GLG1: variants seen among roughly 807,000 people sequenced by gnomAD.
The protein encoded by GLG1 is golgi glycoprotein 1.
A neutral mutation model predicts 160.5 loss-of-function variants in GLG1; 38 were observed. The ratio of observed to expected loss-of-function variants is 0.24; its 90% CI spans 0.18 to 0.31. The LOEUF is 0.31. GLG1 is among the 10% of genes least tolerant of loss of function. The pLI is 1.00. For synonymous variants in GLG1, 644 were observed against 543.4 expected, an observed-to-expected ratio of 1.19 and a Z score of -2.57; for missense variants, 1,373 against 1,505.2, an observed-to-expected ratio of 0.91 and a Z score of 1.45.
intron 2 of GLG1, among the ~76,000 whole-genome samples, chr16:74,519,596 C>T (rs1305257233): frequency 5.4e-5 from 8 of 149,510 alleles, no homozygotes; most frequent in Admixed American, 5.3e-4. Flanking sequence ...GTCTATAGCT[C>T]GTTTAATCTA....
In GLG1 at chr16:74,467,741, A is replaced by G. The variant is rs182992177; in HGVS notation, c.2529+15T>C. 2.6e-6 allele frequency: 4 copies of G among 1,545,080 alleles called. No individual in the cohort carries two copies. In the African/African-American group the frequency reaches 4.1e-5, roughly 16 times the overall value. Reference sequence around the variant, plus strand: ...ACATTACTTTTACAATTACAAAAGAAAAGCAAAAAGTTACCTGAGCGTTGC... The same window carrying G: ...ACATTACTTTTACAATTACAAAAGAGAAGCAAAAAGTTACCTGAGCGTTGC... On this transcript the variant is annotated intron_variant, in intron 18 of 25. Coordinates refer to ENST00000422840, the MANE Select transcript of GLG1 (RefSeq NM_001145667.2).
chr16:74,501,238 G>C (rs1322282152), intron 4 of GLG1, among the ~76,000 whole-genome samples: 1 of 152,208 alleles, frequency 6.6e-6, no homozygotes, highest in Non-Finnish European at 1.5e-5. Context: ...GTAGTACAGA[G>C]TGAATGATAT....
chr16:74,538,727 GATTTT>G (rs1172666355), intron 1 of GLG1, among the ~76,000 whole-genome samples: 1 of 64,316 alleles, frequency 1.6e-5, no homozygotes, highest in Non-Finnish European at 2.9e-5. Flanking sequence ...GAGATTTTGA[GATTTT>G]TTTTTTTTTT....
chr16:74,599,553 T>C (rs1958389096), intron 1 of GLG1, among the ~76,000 whole-genome samples: 1 of 152,114 alleles, frequency 6.6e-6, no homozygotes, highest in African/African-American at 2.4e-5. Context: ...AACCCGTCTC[T>C]ACTAAAAATA....
At chr16:74,456,856 G>T in intron 24 of GLG1, 101 bp from the exon 25 acceptor site, 5 of 761,078 alleles carry the variant, frequency 6.6e-6, no homozygotes, top group South Asian at 1.5e-5. Flanking sequence ...AGAGAATTCA[G>T]ATCTGCAGGC....
At chr16:74,481,846 G>A (rs2015610706) in intron 10 of GLG1, among the ~76,000 whole-genome samples, 1 of 152,114 alleles carries the variant, frequency 6.6e-6, no homozygotes, top group Admixed American at 6.5e-5. Flanking sequence ...GGGCAGTGGC[G>A]CGATATCGGC....
intron 8 of GLG1, among the ~76,000 whole-genome samples, chr16:74,490,620 A>C (rs1436016849): frequency 3.9e-5 from 6 of 152,190 alleles, no homozygotes; most frequent in Non-Finnish European, 7.3e-5. Context: ...ACTCAATCAA[A>C]TCTATTACAA....
intron 8 of GLG1, among the ~76,000 whole-genome samples, chr16:74,489,328 G>A (rs964808033): frequency 6.6e-6 from 1 of 151,908 alleles, no homozygotes; most frequent in Non-Finnish European, 1.5e-5. Context: ...AAAATTAGCT[G>A]GGTGTGGTGG....
Position 74,457,898 on chromosome 16 carries a change from C to G in GLG1, c.3241G>C (p.Ala1081Pro), listed in dbSNP as rs1413275463. ...CGACGCCCGCGGCCAGGGGTGATGG[C>G]TGCGCAGTGGTGTTTAATGTCCAGG... ...CALDIKHHCA[A>P]ITPGRGRQMS... Residue 1081 changes from alanine to proline, a missense_variant, in exon 24 of 26, where the codon GCC becomes CCC. Around this residue, in one of 4 missense-constraint regions of GLG1, gnomAD observed 491 missense variants for 632.1 expected, o/e 0.78. Transcript: ENST00000422840. 6.2e-7 allele frequency: 1 copy of G among 1,613,848 alleles called. No individual in the cohort carries two copies. The highest frequency in any genetic ancestry group is 1.3e-5 in the African/African-American group (1 of 74,916).
chr16:74,607,070 T>C lies in GLG1; in HGVS notation c.25A>G (p.Arg9Gly), dbSNP rs769807372. 173 of 1,569,180 alleles carry C rather than the reference T, an allele frequency of 1.1e-4. No individual in the cohort carries two copies. The highest frequency in any genetic ancestry group is 4.7e-5 in the East Asian group (2 of 42,920). Residue 9 changes from arginine (R) to glycine (G), a missense_variant, in exon 1 of 26, where the codon AGG becomes GGG. Arg to Gly is a moderately radical substitution (Grantham distance 125). Coordinates refer to ENST00000422840, the MANE Select transcript of GLG1 (RefSeq NM_001145667.2). ...AGCGCCGCCGACAAGCGGAACATCC[T>C]CCGTACACGTCCACACGCCGCCATC... is the stretch of plus-strand genomic sequence containing the variant. MAACGRVR[R>G]MFRLSAALHL... is the part of the protein sequence containing the mutation.
intron 1 of GLG1, among the ~76,000 whole-genome samples, chr16:74,588,042 C>T (rs1223446760): frequency 1.3e-5 from 2 of 151,128 alleles, no homozygotes; most frequent in African/African-American, 2.4e-5. Context: ...CATCAGTGAA[C>T]CTGAAGATCA....
chr16:74,568,560 G>A (rs2018726707), intron 1 of GLG1, among the ~76,000 whole-genome samples: 1 of 151,954 alleles, frequency 6.6e-6, no homozygotes, highest in Non-Finnish European at 1.5e-5. Flanking sequence ...TGTGATTACA[G>A]TTGCACACCA....
chr16:74,485,365 C>A (rs1489825359), intron 9 of GLG1, among the ~76,000 whole-genome samples: 1 of 152,104 alleles, frequency 6.6e-6, no homozygotes, highest in Non-Finnish European at 1.5e-5. Context: ...TTTTCTATTT[C>A]TATTTTCTGT....
intron 8 of GLG1, among the ~76,000 whole-genome samples, chr16:74,489,796 C>T (rs1395604644): frequency 6.6e-6 from 1 of 152,202 alleles, no homozygotes; most frequent in Non-Finnish European, 1.5e-5. Context: ...GACACACGTG[C>T]ACACATGCAC....
intron 3 of GLG1, among the ~76,000 whole-genome samples, chr16:74,504,742 G>C (rs1056979739): frequency 6.6e-6 from 1 of 152,200 alleles, no homozygotes; most frequent in African/African-American, 2.4e-5. Context: ...TTAGCAAGAA[G>C]TTTGGGAAGG....
chr16:74,487,448 AC>A (rs2015833090), intron 8 of GLG1, among the ~76,000 whole-genome samples: 1 of 152,060 alleles, frequency 6.6e-6, no homozygotes, highest in Non-Finnish European at 1.5e-5. Context: ...AAAACCACAA[AC>A]TTCTATTATC....
At chr16:74,493,234 A>T (rs2016067880) in intron 6 of GLG1, 94 bp from the exon 7 acceptor site, 1 of 739,448 alleles carries the variant, frequency 1.4e-6, no homozygotes, top group Non-Finnish European at 2.3e-6. Flanking sequence ...TCAGCCAAGT[A>T]CATGTCAACA....
At chr16:74,544,987 A>T (rs1189810801) in intron 1 of GLG1, among the ~76,000 whole-genome samples, 2 of 151,942 alleles carry the variant, frequency 1.3e-5, no homozygotes, top group African/African-American at 2.4e-5. Flanking sequence ...AAAAAAATAC[A>T]AAAGAAGTGT....
At chr16:74,464,554 A>C (rs2014929888) in intron 19 of GLG1, among the ~76,000 whole-genome samples, 3 of 152,168 alleles carry the variant, frequency 2.0e-5, no homozygotes, top group African/African-American at 7.2e-5. Flanking sequence ...CTCTCTTCCT[A>C]GTTCTGTTTC....
Sources: gnomAD v4.1 joint callset for allele counts (sites outside exome capture counted in the v4.1 genomes callset) on GRCh38, gnomAD v4.1.1 for gene constraint, gnomAD v4.1.1 regional missense constraint, MANE v1.5 for transcripts, NCBI Gene and HGNC (gene_info 2026-07-23, HGNC 2026-07-21) for gene names.